The following TOM1L2 variants were observed in gnomAD, a reference collection of about 807,000 sequenced individuals.
The protein encoded by TOM1L2 is target of myb1 like 2 membrane trafficking protein, also known as TOM1-like protein 2.
In TOM1L2, 31 loss-of-function variants were observed where a neutral mutation model predicts 67.9. The ratio of observed to expected loss-of-function variants is 0.46; its 90% CI spans 0.34 to 0.62. TOM1L2 has a LOEUF of 0.62. Among genes scored for constraint, TOM1L2 ranks in the 20% least tolerant of loss-of-function variants. The probability of loss-of-function intolerance (pLI) is 0.01; values close to 1 mark genes in which losing one functional copy is unlikely to be tolerated. For missense variants in TOM1L2, 606 were observed against 663.5 expected (o/e 0.91, Z 0.95); for synonymous variants, 256 against 254.0 (o/e 1.01, Z -0.07).
intron 1 of TOM1L2, among the ~76,000 whole-genome samples, chr17:17,959,327 G>T (rs1568388421): frequency 6.6e-6 from 1 of 152,026 alleles, no homozygotes; most frequent in African/African-American, 2.4e-5. Flanking sequence ...TCAATTGTAG[G>T]ACATCCATTT....
At chr17:17,893,860 G>T in intron 3 of TOM1L2, 50 bp from the exon 4 acceptor site, 2 of 1,583,024 alleles carry the variant, frequency 1.3e-6, no homozygotes, top group Non-Finnish European at 1.7e-6. Flanking sequence ...AGCTGGAGAA[G>T]ACACTGGGAA....
chr17:17,900,376 G>T (rs1429768338), intron 2 of TOM1L2, among the ~76,000 whole-genome samples: 1 of 151,818 alleles, frequency 6.6e-6, no homozygotes, highest in African/African-American at 2.4e-5. Context: ...AAAAAAATTA[G>T]CTGGGCATGG....
intron 6 of TOM1L2, among the ~76,000 whole-genome samples, chr17:17,880,305 G>A (rs530159653): frequency 2.6e-5 from 4 of 152,124 alleles, no homozygotes; most frequent in Non-Finnish European, 5.9e-5. Flanking sequence ...AGACGACAGG[G>A]GAGACACCTT....
chr17:17,851,227 G>C, intron 12 of TOM1L2: 2 of 477,480 alleles, frequency 4.2e-6, no homozygotes, highest in South Asian at 4.2e-5. Context: ...TTGAAATGGA[G>C]AACTTTTTGA....
Position 17,928,950 on chromosome 17 carries a change from T to C in TOM1L2, c.53-21419A>G, listed in dbSNP as rs551606814. Among the ~76,000 whole-genome samples, 8 of 152,350 alleles carry C rather than the reference T, an allele frequency of 5.3e-5. No individual in the cohort carries two copies. In the South Asian group the frequency reaches 1.7e-3, roughly 32 times the overall value. On this transcript the variant is annotated intron_variant, in intron 1 of 14. Transcript: ENST00000379504. ...CAAGGCAAAACAAAATCAAGCAGAC[T>C]TTCTGTCTAGATCCTTGCTGGACCA... is the stretch of plus-strand genomic sequence containing the variant.
intron 1 of TOM1L2, among the ~76,000 whole-genome samples, chr17:17,922,401 C>G (rs1275965912): frequency 6.6e-6 from 1 of 152,156 alleles, no homozygotes; most frequent in East Asian, 1.9e-4. Context: ...TGGGGCTTTT[C>G]AACAGGAGTG....
Position 17,972,386 on chromosome 17 carries a change from C to G in TOM1L2, c.-73G>C, listed in dbSNP as rs1226576700. On this transcript the variant is annotated 5_prime_UTR_variant, in exon 1 of 15. Transcript: ENST00000379504. ...GGCCTCCGCTGTAACCCGCCGGACTCCCGTCCTGACTGACACTTGCCCCCT... is the reference window on the plus strand; with the variant it reads ...GGCCTCCGCTGTAACCCGCCGGACTGCCGTCCTGACTGACACTTGCCCCCT... The G allele has an allele frequency of 1.9e-6, 3 of 1,539,078 alleles. No homozygotes were observed. Among genetic ancestry groups the G allele is most frequent in the African/African-American group, 1.4e-5 (1 of 72,788 alleles).
rs1233420937 is a variant in TOM1L2, at chr17:17,846,774, AG to A, written c.*860del. 6.6e-6 allele frequency: 1 copy of A among 152,496 alleles called. No homozygotes were observed. The highest frequency in any genetic ancestry group is 2.4e-5 in the African/African-American group (1 of 41,472). The allele number at this position is 152,496 out of a possible 1,614,324, so 9.4% of individuals were successfully genotyped here. ...CACATCTGTGACACTTCCCCAGGCAAGCCAGAGCAATACCTCCAGTGCAAGT... is the reference window on the plus strand; with the variant it reads ...CACATCTGTGACACTTCCCCAGGCAACCAGAGCAATACCTCCAGTGCAAGT... On this transcript the variant is annotated 3_prime_UTR_variant, in exon 15 of 15. Transcript: ENST00000379504.
chr17:17,927,031 G>C (rs1159889384), intron 1 of TOM1L2, among the ~76,000 whole-genome samples: 3 of 152,180 alleles, frequency 2.0e-5, no homozygotes, highest in African/African-American at 7.2e-5. Context: ...AGTTCTAAGT[G>C]GGTCACCTTG....
At chr17:17,924,549 A>C (rs1014730682) in intron 1 of TOM1L2, among the ~76,000 whole-genome samples, 1 of 152,024 alleles carries the variant, frequency 6.6e-6, no homozygotes, top group South Asian at 2.1e-4. Context: ...CAGGAGGATC[A>C]CTTAAGCCCA....
intron 12 of TOM1L2, among the ~76,000 whole-genome samples, chr17:17,852,603 T>C (rs1483891134): frequency 6.6e-6 from 1 of 152,188 alleles, no homozygotes; most frequent in Non-Finnish European, 1.5e-5. Flanking sequence ...CGGTGGCTCA[T>C]GCCTGTAATC....
chr17:17,972,171 G>A, intron 1 of TOM1L2, 91 bp downstream of exon 1: 1 of 1,491,502 alleles, frequency 6.7e-7, no homozygotes, highest in South Asian at 1.2e-5. Flanking sequence ...CGCTCGTGAA[G>A]TGGCACCGGC....
intron 6 of TOM1L2, among the ~76,000 whole-genome samples, chr17:17,880,790 G>T (rs1296259257): frequency 6.6e-6 from 1 of 152,156 alleles, no homozygotes; most frequent in Admixed American, 6.5e-5. Context: ...TGGCATGCAG[G>T]TATGCTCTCT....
intron 1 of TOM1L2, among the ~76,000 whole-genome samples, chr17:17,945,177 G>A (rs1228006221): frequency 2.0e-5 from 3 of 152,000 alleles, no homozygotes; most frequent in Non-Finnish European, 2.9e-5. Flanking sequence ...ATGATTTTAT[G>A]CAGTCATTAG....
intron 1 of TOM1L2, among the ~76,000 whole-genome samples, chr17:17,952,946 A>G (rs747252656): frequency 5.3e-5 from 8 of 152,162 alleles, no homozygotes; most frequent in Non-Finnish European, 8.8e-5. Context: ...AGGTGTATAC[A>G]CATTCTCAAA....
chr17:17,922,440 G>A (rs2039915285), intron 1 of TOM1L2, among the ~76,000 whole-genome samples: 1 of 152,260 alleles, frequency 6.6e-6, no homozygotes, highest in East Asian at 1.9e-4. Context: ...GAGACAGATC[G>A]CTCTGGTAAC....
intron 1 of TOM1L2, among the ~76,000 whole-genome samples, chr17:17,949,024 T>C (rs994914534): frequency 6.6e-5 from 10 of 152,170 alleles, no homozygotes; most frequent in African/African-American, 2.4e-4. Context: ...ACAGAGTGAC[T>C]GTCCCATAGA....
intron 12 of TOM1L2, among the ~76,000 whole-genome samples, chr17:17,853,806 G>A (rs562032552): frequency 6.6e-6 from 1 of 152,348 alleles, no homozygotes; most frequent in African/African-American, 2.4e-5. Flanking sequence ...AGAAGCCTTA[G>A]AGATTTGGGT....
At chr17:17,963,451 G>T (rs2041768713) in intron 1 of TOM1L2, among the ~76,000 whole-genome samples, 1 of 152,236 alleles carries the variant, frequency 6.6e-6, no homozygotes. Context: ...TAGAGCCCCT[G>T]GCTGGAGAGG....
Sources: allele counts gnomAD v4.1 joint callset (sites outside exome capture counted in the v4.1 genomes callset), GRCh38; gene constraint gnomAD v4.1.1; transcripts MANE v1.5; gene names NCBI Gene and HGNC (gene_info 2026-07-23, HGNC 2026-07-21).